SMUG1: variants seen among roughly 807,000 people sequenced by gnomAD.
The protein encoded by SMUG1 is single-strand selective monofunctional uracil DNA glycosylase.
A neutral mutation model predicts 23.9 loss-of-function variants in SMUG1; 13 were observed. The observed-to-expected ratio is 0.54, with a 90% CI of 0.35 to 0.86. The LOEUF (loss-of-function observed/expected upper bound fraction) is 0.86, where lower values mean the gene tolerates loss of function less well. Ranked by LOEUF, SMUG1 falls within the 40% of genes least tolerant of loss-of-function variation. The pLI is 0.01. For missense variants in SMUG1, 313 were observed against 339.5 expected (o/e 0.92, Z 0.61); for synonymous variants, 133 against 139.8 (o/e 0.95, Z 0.34).
intron 4 of SMUG1, among the ~76,000 whole-genome samples, chr12:54,159,321 G>A (rs12322894): frequency 0.17 from 25,497 of 152,190 alleles, 2,541 homozygotes; most frequent in South Asian, 0.28. Flanking sequence ...AGCTGCCACA[G>A]AGCGGGAGGG....
At position 54,183,903 on chromosome 12, in the gene SMUG1, G is replaced by A. The variant is rs1039992351; in HGVS notation, c.38C>T (p.Pro13Leu). Residue 13 changes from proline (P) to leucine (L), a missense_variant, in exon 3 of 4, where the codon CCT becomes CTT. By Grantham distance (98) the Pro-to-Leu change is moderately conservative. Transcript: ENST00000682136. ...CTGGGGCTCCATGAGGGCACCTGCA[G>A]GCTCATGGATGGACCCCAGCAGGAA... ...QAFLLGSIHE[P>L]AGALMEPQPC... 6.2e-7 allele frequency: 1 copy of A among 1,603,196 alleles called. No homozygotes were observed. Among genetic ancestry groups the A allele is most frequent in the African/African-American group, 1.3e-5 (1 of 74,788 alleles).
At chr12:54,188,298 T>TAATAATAATA (rs1565844513) in intron 1 of SMUG1, among the ~76,000 whole-genome samples, 61 of 60,986 alleles carry the variant, frequency 1.0e-3, no homozygotes, top group East Asian at 5.2e-3. Flanking sequence ...TAATAATAAA[T>TAATAATAATA]AATAATAATA....
At chr12:54,161,880 G>A (rs910553697), downstream of SMUG1, among the ~76,000 whole-genome samples, 3 of 152,194 alleles carry the variant, frequency 2.0e-5, no homozygotes, top group Non-Finnish European at 4.4e-5. The surrounding 1 kb of genome is among the most constrained non-coding windows in gnomAD (Gnocchi z 4.2). Flanking sequence ...GTGGTAGGGG[G>A]AGGGGGACAG....
chr12:54,185,069 G>A (rs2136751582), intron 2 of SMUG1, among the ~76,000 whole-genome samples: 1 of 152,264 alleles, frequency 6.6e-6, no homozygotes, highest in Admixed American at 6.5e-5. Context: ...AGCACTTTAG[G>A]AGGCTGAGGT....
Position 54,182,032 on chromosome 12 carries a change from C to A in SMUG1, c.*64G>T, listed in dbSNP as rs1941175561. 6.6e-7 allele frequency: 1 copy of A among 1,513,280 alleles called. No homozygotes were observed. Among genetic ancestry groups the A allele is most frequent in the South Asian group, 1.3e-5 (1 of 74,272 alleles). 93.7% of individuals were successfully genotyped at this position (1,513,280 alleles called of 1,614,324 possible). A position where few individuals can be genotyped will look rare whatever the true frequency, so the allele number is the denominator to read the frequency against. ...TGCTCCAGTCCAGGAGATGTGTTGTCATCTGCTTGGCCAAGAATGACTTCG... is the reference window on the plus strand; with the variant it reads ...TGCTCCAGTCCAGGAGATGTGTTGTAATCTGCTTGGCCAAGAATGACTTCG... On this transcript the variant is annotated 3_prime_UTR_variant, in exon 4 of 4. Coordinates refer to ENST00000682136, the MANE Select transcript of SMUG1 (RefSeq NM_001243787.2).
chr12:54,173,448 G>GGCGGGCGCAGCAGA (rs768761681), intron 2 of SMUG1, among the ~76,000 whole-genome samples: 190 of 152,290 alleles, frequency 1.2e-3, no homozygotes, highest in Non-Finnish European at 2.3e-3. Context: ...CCGGGAGCGG[G>GGCGGGCGCAGCAGA]GCGGGCGCAG....
chr12:54,188,209 C>T (rs1268730791), intron 1 of SMUG1, among the ~76,000 whole-genome samples: 1 of 150,938 alleles, frequency 6.6e-6, no homozygotes, highest in African/African-American at 2.4e-5. Context: ...CATATGCACT[C>T]CCCTGTCCTT....
In SMUG1 at chr12:54,182,009, C is replaced by G; in HGVS notation, c.*87G>C. 6.6e-7 allele frequency: 1 copy of G among 1,509,104 alleles called. No individual in the cohort carries two copies. Among genetic ancestry groups the G allele is most frequent in the Middle Eastern group, 2.4e-4 (1 of 4,096 alleles). The allele number at this position is 1,509,104 out of a possible 1,614,324, so 93.5% of individuals were successfully genotyped here. On this transcript the variant is annotated 3_prime_UTR_variant, in exon 4 of 4. Transcript: ENST00000682136. ...CCAGGGTGCACAGAAGGACCTTTTG[C>G]TCCAGTCCAGGAGATGTGTTGTCAT...
downstream of SMUG1, among the ~76,000 whole-genome samples, chr12:54,163,522 T>C (rs1940339399): frequency 6.6e-6 from 1 of 152,210 alleles, no homozygotes; most frequent in South Asian, 2.1e-4. Context: ...AGGTTGAATC[T>C]GGACTTGTGC....
At chr12:54,188,829 A>G (rs1943153597) in intron 1 of SMUG1, 122 bp downstream of exon 1, 2 of 152,006 alleles carry the variant, frequency 1.3e-5, no homozygotes, top group South Asian at 4.1e-4. Flanking sequence ...GTCTTACCCC[A>G]TACGGAGGGA....
At chr12:54,175,810 A>G (rs1940735821), downstream of SMUG1, among the ~76,000 whole-genome samples, 1 of 152,252 alleles carries the variant, frequency 6.6e-6, no homozygotes, top group African/African-American at 2.4e-5. Flanking sequence ...ACACACACAC[A>G]GCAGACATCA....
intron 3 of SMUG1, among the ~76,000 whole-genome samples, chr12:54,166,922 G>A (rs538178336): frequency 2.6e-5 from 4 of 152,338 alleles, no homozygotes; most frequent in African/African-American, 9.6e-5. Flanking sequence ...ACGCCTGTGT[G>A]TGAAATGCAT....
chr12:54,169,601 G>A (rs1940564498), intron 3 of SMUG1, among the ~76,000 whole-genome samples: 1 of 151,422 alleles, frequency 6.6e-6, no homozygotes, highest in Non-Finnish European at 1.5e-5. Flanking sequence ...AAAGAGGAGA[G>A]TCCATGTTGA....
chr12:54,173,477 G>C (rs547638679), intron 2 of SMUG1, among the ~76,000 whole-genome samples: 49 of 152,182 alleles, frequency 3.2e-4, no homozygotes, highest in Non-Finnish European at 5.1e-4. Context: ...GCGCGGCGCC[G>C]GGAGCTGGCT....
At chr12:54,177,521 A>T (rs1940786454), downstream of SMUG1, among the ~76,000 whole-genome samples, 1 of 152,220 alleles carries the variant, frequency 6.6e-6, no homozygotes, top group South Asian at 2.1e-4. Context: ...GAACTAAAAC[A>T]GCCACACATG....
At position 54,181,789 on chromosome 12, in the gene SMUG1, A is replaced by C. The variant is rs910116364; in HGVS notation, c.*307T>G. On this transcript the variant is annotated 3_prime_UTR_variant, in exon 4 of 4. Transcript: ENST00000682136. ...CTCAGCTGAATAAAGTCTCCCAAGG[A>C]AACACTGAGGTAGAGCAGTCTGCAA... 7 of 1,438,560 alleles carry C rather than the reference A, an allele frequency of 4.9e-6. No homozygotes were observed. The Admixed American group carries it at 1.4e-4, about 28-fold the overall frequency. 89.1% of individuals were successfully genotyped at this position (1,438,560 alleles called of 1,614,324 possible).
intron 3 of SMUG1, among the ~76,000 whole-genome samples, chr12:54,171,358 C>T (rs1940610361): frequency 6.6e-6 from 1 of 151,616 alleles, no homozygotes; most frequent in Non-Finnish European, 1.5e-5. Flanking sequence ...TCACTGATTA[C>T]TCCCAAATTT....
downstream of SMUG1, among the ~76,000 whole-genome samples, chr12:54,161,086 G>A (rs572694545): frequency 2.6e-4 from 40 of 152,154 alleles, no homozygotes; most frequent in South Asian, 4.4e-3. The surrounding 1 kb of genome is among the most constrained non-coding windows in gnomAD (Gnocchi z 4.2). Flanking sequence ...TGTGCACATC[G>A]TCACCCCATT....
intron 4 of SMUG1, among the ~76,000 whole-genome samples, chr12:54,158,304 A>C (rs981177306): frequency 1.3e-5 from 2 of 152,150 alleles, no homozygotes; most frequent in African/African-American, 4.8e-5. Context: ...AGCCCCTACC[A>C]CCAGGAGAAG....
Sources: gnomAD v4.1 joint callset for allele counts (sites outside exome capture counted in the v4.1 genomes callset) on GRCh38, gnomAD v4.1.1 for gene constraint, Gnocchi (gnomAD v3.1) non-coding constraint, MANE v1.5 for transcripts, NCBI Gene and HGNC (gene_info 2026-07-23, HGNC 2026-07-21) for gene names.